Variants in CSMD1 observed in about 807,000 individuals in gnomAD.
CSMD1 encodes the protein CUB and sushi domain-containing protein 1.
A neutral mutation model predicts 417.5 loss-of-function variants in CSMD1; 213 were observed. That is an observed-to-expected ratio of 0.51 (90% CI 0.46 to 0.57). CSMD1 has a LOEUF of 0.57. Ranked by LOEUF, CSMD1 falls within the 20% of genes least tolerant of loss-of-function variation. The probability of loss-of-function intolerance (pLI) is 0.00; values close to 1 mark genes in which losing one functional copy is unlikely to be tolerated. For missense variants in CSMD1, 6,923 were observed against 4,529.7 expected, an observed-to-expected ratio of 1.53 and a Z score of -15.17; for synonymous variants, 2,862 against 1,736.8, an observed-to-expected ratio of 1.65 and a Z score of -16.11.
At chr8:4,127,241 G>A (rs755924185) in intron 3 of CSMD1, among the ~76,000 whole-genome samples, 7 of 151,888 alleles carry the variant, frequency 4.6e-5, no homozygotes, top group African/African-American at 1.7e-4. Flanking sequence ...CTTACGGAAA[G>A]CTTCTAACAC....
Position 4,761,842 on chromosome 8 carries a change from T to TCTAC in CSMD1, c.86-124285_86-124284insGTAG, listed in dbSNP as rs1207846935. ...ATAGCAAAATAGTACCATGCATCTA[T>TCTAC]CTATCTATCTATCTATCTATCTATC... On this transcript the variant is annotated intron_variant, in intron 1 of 69. Transcript: ENST00000635120. Among the ~76,000 whole-genome samples the TCTAC allele has an allele frequency of 1.6e-4, 9 of 55,626 alleles. No homozygotes were observed. The East Asian group carries it at 4.9e-3, about 31-fold the overall frequency. The allele number at this position is 55,626 out of a possible 152,430, so 36.5% of individuals were successfully genotyped here.
chr8:3,991,772 G>A (rs1814769679), intron 5 of CSMD1, among the ~76,000 whole-genome samples: 1 of 152,150 alleles, frequency 6.6e-6, no homozygotes, highest in Admixed American at 6.6e-5. Context: ...TTAAAAGGAG[G>A]AGGAAATATA....
chr8:3,073,078 T>A (rs1284014453), intron 49 of CSMD1, among the ~76,000 whole-genome samples: 1 of 152,230 alleles, frequency 6.6e-6, no homozygotes, highest in Non-Finnish European at 1.5e-5. Context: ...TTCTTAAAGT[T>A]AGTTAAAATG....
intron 3 of CSMD1, among the ~76,000 whole-genome samples, chr8:4,144,875 T>C (rs935025588): frequency 9.3e-5 from 14 of 150,912 alleles, no homozygotes; most frequent in Non-Finnish European, 2.1e-4. Context: ...TGGGAGAAGC[T>C]GAAATAGAAC....
At chr8:4,179,164 C>G (rs996198895) in intron 3 of CSMD1, among the ~76,000 whole-genome samples, 6 of 152,130 alleles carry the variant, frequency 3.9e-5, no homozygotes, top group Admixed American at 2.6e-4. Context: ...ATCACACTAC[C>G]TGACTTCAAA....
At chr8:2,966,440 C>T (rs368390218) in intron 58 of CSMD1, 130 bp downstream of exon 58, 85 of 811,920 alleles carry the variant, frequency 1.0e-4, no homozygotes, top group East Asian at 8.7e-4. Context: ...CAATGTCACA[C>T]ATAGTTTTCC....
At chr8:2,965,511 G>A (rs138452584) in intron 59 of CSMD1, among the ~76,000 whole-genome samples, 8 of 152,222 alleles carry the variant, frequency 5.3e-5, no homozygotes, top group African/African-American at 1.2e-4. Context: ...CTAGGGTGGC[G>A]TGACCGTCAC....
chr8:4,894,666 C>T (rs1192975876), intron 1 of CSMD1, among the ~76,000 whole-genome samples: 3 of 151,402 alleles, frequency 2.0e-5, no homozygotes, highest in Admixed American at 6.6e-5. Flanking sequence ...TAATGTGTTT[C>T]ATTCTTGATT....
chr8:4,005,512 C>T (rs1816042626), intron 4 of CSMD1, among the ~76,000 whole-genome samples: 1 of 152,210 alleles, frequency 6.6e-6, no homozygotes. Context: ...TGTGGCGATA[C>T]ACTTGCCTTT....
intron 3 of CSMD1, among the ~76,000 whole-genome samples, chr8:4,387,340 T>C (rs1046968647): frequency 2.0e-5 from 3 of 151,982 alleles, no homozygotes; most frequent in Admixed American, 2.0e-4. Flanking sequence ...AAGTGACAAA[T>C]GAGCCTACAC....
At chr8:3,808,469 C>T (rs1043542897) in intron 5 of CSMD1, among the ~76,000 whole-genome samples, 1 of 152,108 alleles carries the variant, frequency 6.6e-6, no homozygotes, top group Non-Finnish European at 1.5e-5. Context: ...TCTCTTTATA[C>T]TTTTCAGTAA....
chr8:3,776,722 C>T (rs999638575), intron 5 of CSMD1, among the ~76,000 whole-genome samples: 2 of 151,064 alleles, frequency 1.3e-5, no homozygotes, highest in African/African-American at 4.9e-5. Flanking sequence ...ATGATAGATA[C>T]ATTAGGTAGA....
At chr8:3,359,443 ACCT>A in intron 20 of CSMD1, 103 bp from the exon 21 acceptor site, 3 of 763,238 alleles carry the variant, frequency 3.9e-6, no homozygotes, top group Non-Finnish European at 6.0e-6. Context: ...AAAAAAAAAA[ACCT>A]ACATATATAT....
At chr8:4,325,906 G>C (rs1374216527) in intron 3 of CSMD1, among the ~76,000 whole-genome samples, 1 of 152,134 alleles carries the variant, frequency 6.6e-6, no homozygotes, top group African/African-American at 2.4e-5. Flanking sequence ...GAATATAATA[G>C]AGCAGATTTA....
intron 5 of CSMD1, among the ~76,000 whole-genome samples, chr8:3,856,487 G>A (rs1273335177): frequency 6.6e-6 from 1 of 152,148 alleles, no homozygotes; most frequent in East Asian, 1.9e-4. Flanking sequence ...CTTAATTGGT[G>A]AGGAGGAGAA....
intron 2 of CSMD1, among the ~76,000 whole-genome samples, chr8:4,456,449 A>G (rs979352525): frequency 1.3e-5 from 2 of 152,214 alleles, no homozygotes; most frequent in African/African-American, 4.8e-5. Flanking sequence ...TGTTAAGAGT[A>G]TTCTTAACGA....
chr8:4,213,807 T>A (rs146459802), intron 3 of CSMD1, among the ~76,000 whole-genome samples: 1,746 of 152,142 alleles, frequency 0.011, 10 homozygotes, highest in Non-Finnish European at 0.019. Flanking sequence ...CTAACTTGCA[T>A]TGAGAAAGAT....
rs61494901 is a variant in CSMD1, at chr8:3,714,561, C to CAAAAAAAAAAAAAAAAAAAAAA, written c.932-6071_932-6070insTTTTTTTTTTTTTTTTTTTTTT. The stretch of plus-strand genomic sequence containing the variant: ...ACATGGCGAAACCCCATCTCTATCC[C>CAAAAAAAAAAAAAAAAAAAAAA]AAAAAAAAAAAAAAAAAAAATTAGC... On this transcript the variant is annotated intron_variant, in intron 6 of 69. Transcript: ENST00000635120. Among the ~76,000 whole-genome samples, 122 of 70,566 alleles carry CAAAAAAAAAAAAAAAAAAAAAA rather than the reference C, an allele frequency of 1.7e-3. 39 individuals are homozygous for CAAAAAAAAAAAAAAAAAAAAAA. Among genetic ancestry groups the CAAAAAAAAAAAAAAAAAAAAAA allele is most frequent in the African/African-American group, 5.3e-3 (96 of 18,146 alleles). The allele number at this position is 70,566 out of a possible 152,430, so 46.3% of individuals were successfully genotyped here.
Position 3,708,463 on chromosome 8 carries a change from T to A in CSMD1, c.960A>T (p.Arg320Ser). ...QVKKAIELKS[R>S]GVKMLPSKDG... is the part of the protein sequence containing the mutation. ...CCTTGCTGGGCAGCATCTTGACTCC[T>A]CTTGACTTCAACTCAATCGCCTTTT... The change falls in exon 7 of 70, where the codon AGA (arginine) becomes AGT (serine). Residue 320 changes from arginine (R) to serine (S), a missense_variant. By Grantham distance (110) the Arg-to-Ser change is moderately radical (BLOSUM62 -1). Coordinates refer to ENST00000635120, the MANE Select transcript of CSMD1 (RefSeq NM_033225.6). The A allele has an allele frequency of 2.5e-6, 4 of 1,613,936 alleles. No individual in the cohort carries two copies. The South Asian group carries it at 3.3e-5, about 13-fold the overall frequency.
Sources: allele counts gnomAD v4.1 joint callset (sites outside exome capture counted in the v4.1 genomes callset), GRCh38; gene constraint gnomAD v4.1.1; transcripts MANE v1.5; gene names NCBI Gene and HGNC (gene_info 2026-07-23, HGNC 2026-07-21).